IPCEF1: variants seen among roughly 807,000 people sequenced by gnomAD.
IPCEF1 encodes the protein interactor protein for cytohesin exchange factors 1.
Under a neutral mutation model 50.9 loss-of-function variants are expected in IPCEF1, and 31 were observed. The observed-to-expected ratio is 0.61, with a 90% CI of 0.46 to 0.82. IPCEF1 has a LOEUF of 0.82. IPCEF1 is among the 40% of genes least tolerant of loss of function. The pLI, the probability that IPCEF1 is intolerant of heterozygous loss-of-function variation, is 0.00. For missense variants in IPCEF1, 458 were observed against 514.0 expected, an observed-to-expected ratio of 0.89 and a Z score of 1.05; for synonymous variants, 181 against 192.0, an observed-to-expected ratio of 0.94 and a Z score of 0.47.
At chr6:154,295,864 C>A (rs530393186) in intron 1 of IPCEF1, among the ~76,000 whole-genome samples, 35 of 88,198 alleles carry the variant, frequency 4.0e-4, no homozygotes, top group Admixed American at 3.9e-3. Context: ...CACATGTGCA[C>A]ACGCACACAC....
chr6:154,243,935 C>T (rs913214068), intron 5 of IPCEF1, among the ~76,000 whole-genome samples: 1 of 152,132 alleles, frequency 6.6e-6, no homozygotes, highest in African/African-American at 2.4e-5. Context: ...AATCACCTAC[C>T]TTGGCCTAGA....
intron 11 of IPCEF1, among the ~76,000 whole-genome samples, chr6:154,165,264 C>T (rs531199715): frequency 3.8e-4 from 58 of 152,284 alleles, no homozygotes; most frequent in South Asian, 1.2e-3. Context: ...GCACCCAGCA[C>T]TCAGAAGCTC....
intron 1 of IPCEF1, among the ~76,000 whole-genome samples, chr6:154,292,167 A>G (rs1262664932): frequency 6.6e-6 from 1 of 152,198 alleles, no homozygotes; most frequent in African/African-American, 2.4e-5. Flanking sequence ...GTTTTTGTAG[A>G]GTCCAGGCCA....
intron 1 of IPCEF1, among the ~76,000 whole-genome samples, chr6:154,322,536 T>C (rs1394386066): frequency 6.6e-6 from 1 of 151,968 alleles, no homozygotes; most frequent in Non-Finnish European, 1.5e-5. Flanking sequence ...GAGGTAAAAC[T>C]GCCTCCTAAA....
intron 1 of IPCEF1, among the ~76,000 whole-genome samples, chr6:154,295,910 C>A (rs1384780466): frequency 5.4e-5 from 1 of 18,612 alleles, no homozygotes; most frequent in Non-Finnish European, 8.2e-5. Context: ...CACACACACA[C>A]GCACACACAC....
intron 10 of IPCEF1, among the ~76,000 whole-genome samples, chr6:154,198,111 C>T (rs1776769285): frequency 6.6e-6 from 1 of 152,036 alleles, no homozygotes; most frequent in African/African-American, 2.4e-5. Flanking sequence ...GTAAAGACCT[C>T]CAGTGATAAG....
chr6:154,179,523 A>C (rs1800655569), intron 10 of IPCEF1, among the ~76,000 whole-genome samples: 1 of 152,124 alleles, frequency 6.6e-6, no homozygotes, highest in Admixed American at 6.6e-5. Context: ...TCTGAAGCAA[A>C]ATAAATGAAT....
intron 1 of IPCEF1, among the ~76,000 whole-genome samples, chr6:154,314,103 A>C (rs1316585262): frequency 1.3e-5 from 2 of 152,160 alleles, no homozygotes; most frequent in Non-Finnish European, 2.9e-5. Context: ...CTCTGGCATC[A>C]AAAAGGGAGT....
intron 9 of IPCEF1, among the ~76,000 whole-genome samples, chr6:154,209,650 A>G (rs1242923508): frequency 1.3e-5 from 2 of 151,890 alleles, no homozygotes; most frequent in African/African-American, 2.4e-5. Flanking sequence ...TCTCAAAAAA[A>G]AAAAAAAAAA....
chr6:154,334,205 C>T (rs112980734), intron 1 of IPCEF1, among the ~76,000 whole-genome samples: 1,761 of 152,266 alleles, frequency 0.012, 42 homozygotes, highest in African/African-American at 0.041. Context: ...TAACTCATAA[C>T]AATTTAAAGA....
At chr6:154,224,536 C>T (rs1193556773) in intron 5 of IPCEF1, among the ~76,000 whole-genome samples, 1 of 151,984 alleles carries the variant, frequency 6.6e-6, no homozygotes. Flanking sequence ...GGTGAAACCC[C>T]ATCTCTACTA....
Position 154,199,788 on chromosome 6 carries a change from C to T in IPCEF1, c.790G>A (p.Val264Ile), listed in dbSNP as rs765856773. Reference sequence around the variant, plus strand: ...TTCAAAAATCCACTTTCTGATGTGACAAAACTGTTTTCCAGGGCCTTGTGG... The same window carrying T: ...TTCAAAAATCCACTTTCTGATGTGATAAAACTGTTTTCCAGGGCCTTGTGG... ...GIHKALENSF[V>I]TSESGFLNSL... The change falls in exon 10 of 12, where the codon GTC becomes ATC. Residue 264 changes from valine to isoleucine, a missense_variant. Coordinates refer to ENST00000367220, the MANE Select transcript of IPCEF1 (RefSeq NM_001130700.2). 5.0e-6 allele frequency: 8 copies of T among 1,614,218 alleles called. No individual in the cohort carries two copies. The highest frequency in any genetic ancestry group is 6.8e-6 in the Non-Finnish European group (8 of 1,180,040).
chr6:154,218,376 C>T (rs1778585184), intron 7 of IPCEF1, among the ~76,000 whole-genome samples: 2 of 152,228 alleles, frequency 1.3e-5, no homozygotes, highest in Non-Finnish European at 2.9e-5. Context: ...TAAATTGAGA[C>T]TCACTACAGA....
At position 154,167,961 on chromosome 6, in the gene IPCEF1, C is replaced by G. The variant is rs775354023; in HGVS notation, c.1063G>C (p.Glu355Gln). 1 of 1,603,928 alleles carries G rather than the reference C, an allele frequency of 6.2e-7. No homozygotes were observed. Among genetic ancestry groups the G allele is most frequent in the Admixed American group, 1.7e-5 (1 of 59,586 alleles). ...AATGTTCGGATTTTGTGGAGTTTCT[C>G]GTTTATAGATGGATTTTTACACCGC... ...VKRCKNPSINEKLHKIRTLNS... is the reference protein window; with the variant it reads ...VKRCKNPSINQKLHKIRTLNS... Residue 355 changes from glutamate (E) to glutamine (Q), a missense_variant, in exon 11 of 12, where the codon GAG (glutamate) becomes CAG (glutamine). Physicochemically the swap from Glu to Gln is conservative, Grantham distance 29. Transcript: ENST00000367220.
chr6:154,193,317 T>A lies in IPCEF1; in HGVS notation c.910+6351A>T, dbSNP rs148948948. 6.2e-3 allele frequency among the ~76,000 whole-genome samples: 946 copies of A among 152,212 alleles called. 10 individuals are homozygous for A. Among genetic ancestry groups the A allele is most frequent in the African/African-American group, 0.018 (759 of 41,506 alleles). On this transcript the variant is annotated intron_variant, in intron 10 of 11. Transcript: ENST00000367220. ...TCACTCATAAGTGGGAGCTAAGCTA[T>A]GAGGATGCAAAGGCACGATAAAATA...
chr6:154,179,724 T>C (rs1477896387), intron 10 of IPCEF1, among the ~76,000 whole-genome samples: 1 of 152,136 alleles, frequency 6.6e-6, no homozygotes, highest in East Asian at 1.9e-4. Context: ...ATGAGAAAAA[T>C]AAAGATTCCG....
chr6:154,310,865 G>C (rs147983163), intron 1 of IPCEF1, among the ~76,000 whole-genome samples: 89 of 152,280 alleles, frequency 5.8e-4, no homozygotes, highest in African/African-American at 2.1e-3. Flanking sequence ...GGGAAGGGTT[G>C]GGGAAAGGGA....
rs1479354046 is a variant in IPCEF1, at chr6:154,328,131, G to C, written c.-62+28541C>G. Among the ~76,000 whole-genome samples, 3 of 152,252 alleles carry C rather than the reference G, an allele frequency of 2.0e-5. No homozygotes were observed. In the East Asian group the frequency reaches 5.8e-4, roughly 29 times the overall value. On this transcript the variant is annotated intron_variant, in intron 1 of 11. Coordinates refer to ENST00000367220, the MANE Select transcript of IPCEF1 (RefSeq NM_001130700.2). The stretch of plus-strand genomic sequence containing the variant: ...AATGGATGCTGGGCTGAATACTTAT[G>C]TGATGGGTTGATCTGTGCAGCAAAC...
chr6:154,298,415 T>A (rs554029867), intron 1 of IPCEF1, among the ~76,000 whole-genome samples: 1 of 152,296 alleles, frequency 6.6e-6, no homozygotes, highest in African/African-American at 2.4e-5. Context: ...TAATCAAAAC[T>A]TAAACTAAAT....
Sources: allele counts gnomAD v4.1 joint callset (sites outside exome capture counted in the v4.1 genomes callset), GRCh38; gene constraint gnomAD v4.1.1; transcripts MANE v1.5; gene names NCBI Gene and HGNC (gene_info 2026-07-23, HGNC 2026-07-21).